Variants in KIF26B observed in about 807,000 individuals in gnomAD.
The protein encoded by KIF26B is kinesin-like protein KIF26B.
Under a neutral mutation model 151.2 loss-of-function variants are expected in KIF26B, and 63 were observed. The ratio of observed to expected loss-of-function variants is 0.42; its 90% CI spans 0.34 to 0.51. KIF26B has a LOEUF of 0.51. KIF26B is among the 20% of genes least tolerant of loss of function. The pLI is 0.07. For missense variants in KIF26B, 2,813 were observed against 2,913.6 expected, an observed-to-expected ratio of 0.97 and a Z score of 0.79; for synonymous variants, 1,357 against 1,262.1, an observed-to-expected ratio of 1.08 and a Z score of -1.59.
intron 4 of KIF26B, among the ~76,000 whole-genome samples, chr1:245,449,729 A>G (rs1380317409): frequency 6.6e-6 from 1 of 152,240 alleles, no homozygotes; most frequent in Admixed American, 6.5e-5. Context: ...AATCAAGATT[A>G]CTTTAAAACC....
At chr1:245,524,894 T>C (rs1044379797) in intron 4 of KIF26B, among the ~76,000 whole-genome samples, 24 of 152,202 alleles carry the variant, frequency 1.6e-4, no homozygotes, top group African/African-American at 5.5e-4. Flanking sequence ...ATGAACTCAT[T>C]AATTCTAATC....
chr1:245,432,945 G>T (rs1658815916), intron 4 of KIF26B, among the ~76,000 whole-genome samples: 1 of 152,114 alleles, frequency 6.6e-6, no homozygotes, highest in South Asian at 2.1e-4. Context: ...TGAAGGTGAG[G>T]TTTTTATTTT....
rs551764353 is a variant in KIF26B at position 245,161,561 on chromosome 1, G to A, written c.465+4878G>A. On this transcript the variant is annotated intron_variant, in intron 2 of 14. Coordinates refer to ENST00000407071, the MANE Select transcript of KIF26B (RefSeq NM_018012.4). ...GTACCATGAGTGGGCCAACAATAGCGATGATAGTAATAATAATAATATGTA... is the reference window on the plus strand; with the variant it reads ...GTACCATGAGTGGGCCAACAATAGCAATGATAGTAATAATAATAATATGTA... Among the ~76,000 whole-genome samples the A allele has an allele frequency of 1.4e-4, 21 of 152,292 alleles. No individual in the cohort carries two copies. The South Asian group carries it at 4.2e-3, about 30-fold the overall frequency.
chr1:245,328,125 A>AG (rs11453613), intron 2 of KIF26B, among the ~76,000 whole-genome samples: 13,175 of 151,190 alleles, frequency 0.087, 1,464 homozygotes, highest in African/African-American at 0.26. Context: ...CTTTGCTGGT[A>AG]GGCTGTGTTT....
chr1:245,210,591 A>G (rs1669499960), intron 2 of KIF26B, among the ~76,000 whole-genome samples: 1 of 151,724 alleles, frequency 6.6e-6, no homozygotes, highest in Non-Finnish European at 1.5e-5. Context: ...TTAAAATACA[A>G]CATGAAGTGA....
At chr1:245,609,974 A>T (rs2043501239) in intron 8 of KIF26B, among the ~76,000 whole-genome samples, 1 of 152,186 alleles carries the variant, frequency 6.6e-6, no homozygotes, top group African/African-American at 2.4e-5. Flanking sequence ...CCACTTTCTA[A>T]TTAGAACCGT....
chr1:245,677,888 T>G (rs1433275731), intron 10 of KIF26B, among the ~76,000 whole-genome samples: 2 of 152,272 alleles, frequency 1.3e-5, no homozygotes, highest in African/African-American at 4.8e-5. Flanking sequence ...GGAGACCCTT[T>G]GGGGCAGAAT....
intron 3 of KIF26B, among the ~76,000 whole-genome samples, chr1:245,374,975 G>A (rs755296150): frequency 6.6e-6 from 1 of 152,154 alleles, no homozygotes; most frequent in Non-Finnish European, 1.5e-5. Context: ...GCCCCCCAAC[G>A]ATGCCCACAC....
intron 4 of KIF26B, among the ~76,000 whole-genome samples, chr1:245,464,355 G>A (rs1659717280): frequency 6.6e-6 from 1 of 152,070 alleles, no homozygotes; most frequent in Non-Finnish European, 1.5e-5. Context: ...GTGCATCTGT[G>A]GGTGTGTGCG....
At chr1:245,587,920 C>T (rs781506559) in intron 5 of KIF26B, among the ~76,000 whole-genome samples, 2 of 152,168 alleles carry the variant, frequency 1.3e-5, no homozygotes, top group Non-Finnish European at 2.9e-5. Context: ...GCAAAGCATC[C>T]GTCCCAGCAC....
intron 3 of KIF26B, among the ~76,000 whole-genome samples, chr1:245,414,157 T>C (rs1354580917): frequency 6.6e-6 from 1 of 152,216 alleles, no homozygotes; most frequent in African/African-American, 2.4e-5. Context: ...GGAGTTAGCG[T>C]AGCCAAGGCT....
In KIF26B at chr1:245,156,649, T is replaced by C. The variant is rs1365733099; in HGVS notation, c.431T>C (p.Leu144Pro). 76 of 1,516,320 alleles carry C rather than the reference T, an allele frequency of 5.0e-5. No homozygotes were observed. Among genetic ancestry groups the C allele is most frequent in the Non-Finnish European group, 6.1e-5 (70 of 1,139,384 alleles). 93.9% of individuals were successfully genotyped at this position (1,516,320 alleles called of 1,614,324 possible). The change falls in exon 2 of 15, where the codon CTG becomes CCG. Residue 144 changes from leucine to proline, a missense_variant. Leu to Pro is a moderately conservative substitution (Grantham distance 98). Coordinates refer to ENST00000407071, the MANE Select transcript of KIF26B (RefSeq NM_018012.4). ...ARLVELKRQA[L>P]RLLLPGPFPG... ...CTGGTGGAGCTCAAGAGGCAGGCCCTGAGGTTGCTCCTCCCGGGGCCCTTC... is the reference window on the plus strand; with the variant it reads ...CTGGTGGAGCTCAAGAGGCAGGCCCCGAGGTTGCTCCTCCCGGGGCCCTTC...
chr1:245,493,824 C>T (rs1367897611), intron 4 of KIF26B, among the ~76,000 whole-genome samples: 2 of 152,144 alleles, frequency 1.3e-5, no homozygotes, highest in Non-Finnish European at 2.9e-5. Flanking sequence ...GGGATTCAGA[C>T]CTGCCAAGGC....
In KIF26B at chr1:245,237,681, T is replaced by A. The variant is rs139636575; in HGVS notation, c.465+80998T>A. Reference sequence around the variant, plus strand: ...TGGCAACACTGTCTTTTGTACAGACTGTATTTGTTTGGATTAATACAGGGA... The same window carrying A: ...TGGCAACACTGTCTTTTGTACAGACAGTATTTGTTTGGATTAATACAGGGA... On this transcript the variant is annotated intron_variant, in intron 2 of 14. Coordinates refer to ENST00000407071, the MANE Select transcript of KIF26B (RefSeq NM_018012.4). Among the ~76,000 whole-genome samples, 14 of 152,334 alleles carry A rather than the reference T, an allele frequency of 9.2e-5. No homozygotes were observed. The East Asian group carries it at 2.7e-3, about 29-fold the overall frequency.
intron 4 of KIF26B, chr1:245,511,212 C>A: frequency 1.5e-6 from 1 of 681,756 alleles, no homozygotes; most frequent in Admixed American, 2.5e-5. Flanking sequence ...TTTTCAGTTT[C>A]CTTTTGAGAA....
rs2043453591 is a variant in KIF26B, at chr1:245,606,278, A to C, written c.1558-1373A>C. Among the ~76,000 whole-genome samples the C allele has an allele frequency of 6.6e-6, 1 of 152,112 alleles. No homozygotes were observed. The highest frequency in any genetic ancestry group is 1.5e-5 in the Non-Finnish European group (1 of 68,014). On this transcript the variant is annotated intron_variant, in intron 6 of 14. Transcript: ENST00000407071. The surrounding 1 kb of genome is among the most constrained non-coding windows in gnomAD (Gnocchi z 4.6). Reference sequence around the variant, plus strand: ...GTTTTTCAATTTTAGTTTAGGAGAGAAAACTGATTTCCAAATACTTGGGTT... The same window carrying C: ...GTTTTTCAATTTTAGTTTAGGAGAGCAAACTGATTTCCAAATACTTGGGTT...
At chr1:245,303,433 C>T (rs189738309) in intron 2 of KIF26B, among the ~76,000 whole-genome samples, 3 of 150,686 alleles carry the variant, frequency 2.0e-5, no homozygotes, top group Non-Finnish European at 4.4e-5. Context: ...CTCCTGACCT[C>T]GTGATCCGCC....
chr1:245,527,523 G>GTTTTTTTTTTTT (rs1219756621), intron 4 of KIF26B, among the ~76,000 whole-genome samples: 5 of 40,524 alleles, frequency 1.2e-4, no homozygotes, highest in African/African-American at 2.7e-4. Flanking sequence ...CTTTGGGATG[G>GTTTTTTTTTTTT]CTTTTTTTTT....
At chr1:245,355,728 C>T (rs1244737023) in intron 2 of KIF26B, among the ~76,000 whole-genome samples, 1 of 152,012 alleles carries the variant, frequency 6.6e-6, no homozygotes, top group Non-Finnish European at 1.5e-5. Context: ...GGCTATGTCT[C>T]CGGGGCTATT....
Sources: gnomAD v4.1 joint callset for allele counts (sites outside exome capture counted in the v4.1 genomes callset) on GRCh38, gnomAD v4.1.1 for gene constraint, Gnocchi (gnomAD v3.1) non-coding constraint, MANE v1.5 for transcripts, NCBI Gene and HGNC (gene_info 2026-07-23, HGNC 2026-07-21) for gene names.